The following NTM variants were observed in gnomAD, a reference collection of about 807,000 sequenced individuals.
NTM encodes neurotrimin.
A neutral mutation model predicts 42.1 loss-of-function variants in NTM; 13 were observed. The ratio of observed to expected loss-of-function variants is 0.31; its 90% CI spans 0.20 to 0.49. The LOEUF (loss-of-function observed/expected upper bound fraction) is 0.49. NTM is among the 20% of genes least tolerant of loss of function. The probability of loss-of-function intolerance (pLI) is 0.99; values close to 1 mark genes in which losing one functional copy is unlikely to be tolerated. For missense variants in NTM, 373 were observed against 452.8 expected (o/e 0.82, Z 1.60); for synonymous variants, 187 against 179.2 (o/e 1.04, Z -0.35).
chr11:132,154,069 G>A (rs370527596), intron 3 of NTM, among the ~76,000 whole-genome samples: 3 of 152,184 alleles, frequency 2.0e-5, no homozygotes, highest in South Asian at 4.1e-4. Flanking sequence ...TGTGTTGGAC[G>A]AAGAGTGAGG....
At chr11:131,458,296 A>C (rs1951086132) in intron 1 of NTM, among the ~76,000 whole-genome samples, 1 of 152,204 alleles carries the variant, frequency 6.6e-6, no homozygotes, top group Non-Finnish European at 1.5e-5. Context: ...GGGTTTGGCT[A>C]TGCCGAGATC....
At chr11:132,089,637 C>G (rs1216360055) in intron 2 of NTM, among the ~76,000 whole-genome samples, 1 of 152,206 alleles carries the variant, frequency 6.6e-6, no homozygotes, top group Non-Finnish European at 1.5e-5. Flanking sequence ...ATTGTCTCCT[C>G]TTTTCTTAAA....
At chr11:131,745,507 C>T (rs1027542159) in intron 1 of NTM, among the ~76,000 whole-genome samples, 4 of 152,158 alleles carry the variant, frequency 2.6e-5, no homozygotes, top group Non-Finnish European at 4.4e-5. Flanking sequence ...GTACAGCTTT[C>T]GGCCCCATCA....
chr11:131,872,788 A>T (rs1785564145), intron 1 of NTM, among the ~76,000 whole-genome samples: 1 of 152,212 alleles, frequency 6.6e-6, no homozygotes, highest in African/African-American at 2.4e-5. Context: ...TAATTAGACC[A>T]GATTTATAGG....
intron 3 of NTM, among the ~76,000 whole-genome samples, chr11:132,170,004 T>C (rs145397878): frequency 1.8e-3 from 268 of 152,336 alleles, no homozygotes; most frequent in Non-Finnish European, 3.2e-3. Flanking sequence ...TGATTCGCTC[T>C]TCACTCTGGG....
At chr11:132,084,876 A>G (rs2059513306) in intron 2 of NTM, among the ~76,000 whole-genome samples, 1 of 152,166 alleles carries the variant, frequency 6.6e-6, no homozygotes, top group East Asian at 1.9e-4. Context: ...GTCAACCCCA[A>G]TTTATTAAAT....
intron 4 of NTM, among the ~76,000 whole-genome samples, chr11:132,224,364 A>T (rs1271547018): frequency 6.6e-6 from 1 of 151,978 alleles, no homozygotes; most frequent in African/African-American, 2.4e-5. Context: ...ATGGGTGTGG[A>T]AGGTGGGGGA....
intron 1 of NTM, among the ~76,000 whole-genome samples, chr11:131,646,842 C>T (rs1274520771): frequency 6.6e-6 from 1 of 152,090 alleles, no homozygotes; most frequent in African/African-American, 2.4e-5. Flanking sequence ...GACATATTTC[C>T]CAGTTTTCAG....
intron 3 of NTM, among the ~76,000 whole-genome samples, chr11:132,191,171 G>A (rs538388470): frequency 6.6e-5 from 10 of 152,172 alleles, no homozygotes; most frequent in South Asian, 2.1e-4. Flanking sequence ...TTATGCTTGC[G>A]GCCACCACCC....
At chr11:131,733,616 A>G (rs958233935) in intron 1 of NTM, among the ~76,000 whole-genome samples, 1 of 151,728 alleles carries the variant, frequency 6.6e-6, no homozygotes, top group Non-Finnish European at 1.5e-5. Context: ...GCTCACTGCA[A>G]CCTCTGCCTA....
At chr11:132,055,675 GAGAGAGAC>G (rs1180879396) in intron 2 of NTM, among the ~76,000 whole-genome samples, 1 of 85,748 alleles carries the variant, frequency 1.2e-5, no homozygotes, top group Non-Finnish European at 2.9e-5. Flanking sequence ...GAGAGTGAGA[GAGAGAGAC>G]AGAGAGAGAG....
At chr11:131,597,939 G>C (rs1308521795) in intron 1 of NTM, among the ~76,000 whole-genome samples, 1 of 152,214 alleles carries the variant, frequency 6.6e-6, no homozygotes, top group Non-Finnish European at 1.5e-5. Context: ...ATCCCAAAGA[G>C]AGACCAGCCA....
chr11:131,437,459 T>G (rs1455894372), intron 1 of NTM, among the ~76,000 whole-genome samples: 3 of 152,216 alleles, frequency 2.0e-5, no homozygotes, highest in Non-Finnish European at 2.9e-5. Context: ...TTTATGAATC[T>G]GAGTGCTCCT....
At chr11:132,326,823 C>A (rs1387565957) in intron 7 of NTM, among the ~76,000 whole-genome samples, 1 of 152,178 alleles carries the variant, frequency 6.6e-6, no homozygotes, top group South Asian at 2.1e-4. Context: ...GTCTTCGATA[C>A]AATAGAGAGC....
At position 131,388,855 on chromosome 11, in the gene NTM, T is replaced by C. The variant is rs141865399; in HGVS notation, c.82+17967T>C. Among the ~76,000 whole-genome samples, 1,217 of 150,896 alleles carry C rather than the reference T, an allele frequency of 8.1e-3. 16 individuals are homozygous for C. Among genetic ancestry groups the C allele is most frequent in the African/African-American group, 0.027 (1,107 of 41,062 alleles). ...GGTGAAACCTCATCTCTACTAAAAATATAAAAATTATCCAGGTATGGTGGC... is the reference window on the plus strand; with the variant it reads ...GGTGAAACCTCATCTCTACTAAAAACATAAAAATTATCCAGGTATGGTGGC... On this transcript the variant is annotated intron_variant, in intron 1 of 8. Coordinates refer to ENST00000683400, the MANE Select transcript of NTM (RefSeq NM_001352005.2).
intron 1 of NTM, among the ~76,000 whole-genome samples, chr11:131,481,464 G>A (rs1565547422): frequency 2.0e-5 from 3 of 152,232 alleles, no homozygotes; most frequent in Non-Finnish European, 2.9e-5. Flanking sequence ...CTGGATGGTG[G>A]AGAAGAAGGG....
At chr11:132,196,643 C>T (rs1014770807) in intron 3 of NTM, among the ~76,000 whole-genome samples, 7 of 152,130 alleles carry the variant, frequency 4.6e-5, no homozygotes, top group Non-Finnish European at 1.0e-4. Context: ...TTTCCAGTAG[C>T]ATGGGTGGAG....
chr11:131,409,011 C>G (rs1946100528), intron 1 of NTM, among the ~76,000 whole-genome samples: 1 of 152,188 alleles, frequency 6.6e-6, no homozygotes, highest in African/African-American at 2.4e-5. Context: ...AGCACCGTGC[C>G]AGGCAGGGAC....
intron 1 of NTM, among the ~76,000 whole-genome samples, chr11:131,840,382 G>T (rs1259524232): frequency 6.6e-6 from 1 of 152,182 alleles, no homozygotes; most frequent in East Asian, 1.9e-4. Flanking sequence ...ATGTGAGGAA[G>T]GCACATCATG....
Sources: allele counts gnomAD v4.1 joint callset (sites outside exome capture counted in the v4.1 genomes callset), GRCh38; gene constraint gnomAD v4.1.1; transcripts MANE v1.5; gene names NCBI Gene and HGNC (gene_info 2026-07-23, HGNC 2026-07-21).